The following DAB1 variants were observed in gnomAD, a reference collection of about 807,000 sequenced individuals.
The protein encoded by DAB1 is disabled homolog 1.
A neutral mutation model predicts 64.6 loss-of-function variants in DAB1; 15 were observed. That is an observed-to-expected ratio of 0.23 (90% CI 0.16 to 0.36). The LOEUF is 0.36. DAB1 is among the 10% of genes least tolerant of loss of function. DAB1 has a pLI of 1.00. For synonymous variants in DAB1, 235 were observed against 251.9 expected, an observed-to-expected ratio of 0.93 and a Z score of 0.64; for missense variants, 596 against 706.7, an observed-to-expected ratio of 0.84 and a Z score of 1.78.
chr1:57,898,862 G>A (rs989985029), intron 5 of DAB1, among the ~76,000 whole-genome samples: 4 of 152,144 alleles, frequency 2.6e-5, no homozygotes, highest in East Asian at 1.9e-4. Flanking sequence ...GTATGTGTGC[G>A]TGTGTGCGTG....
At chr1:57,380,584 T>C (rs906798223) in intron 1 of DAB1, among the ~76,000 whole-genome samples, 16 of 152,212 alleles carry the variant, frequency 1.1e-4, no homozygotes, top group African/African-American at 3.9e-4. Context: ...ATGATGATCA[T>C]AATGAGTACA....
chr1:58,529,553 G>C (rs933639165), intron 1 of DAB1, among the ~76,000 whole-genome samples: 13 of 152,270 alleles, frequency 8.5e-5, no homozygotes, highest in African/African-American at 3.1e-4. Context: ...TCAAAGCAAT[G>C]ATATTTTAAC....
At chr1:57,797,624 T>C (rs1243200033) in intron 6 of DAB1, among the ~76,000 whole-genome samples, 1 of 152,234 alleles carries the variant, frequency 6.6e-6, no homozygotes, top group Non-Finnish European at 1.5e-5. Context: ...CCCTGATTCT[T>C]CAGTGATAGT....
chr1:58,155,672 G>C (rs1655183838), intron 4 of DAB1, among the ~76,000 whole-genome samples: 1 of 152,194 alleles, frequency 6.6e-6, no homozygotes, highest in East Asian at 1.9e-4. Context: ...AACATTGCAG[G>C]TCCGGCTATC....
chr1:57,584,950 T>C (rs1645359414), intron 7 of DAB1, among the ~76,000 whole-genome samples: 2 of 152,132 alleles, frequency 1.3e-5, no homozygotes, highest in Non-Finnish European at 2.9e-5. Context: ...GAATTCTTTC[T>C]CCATTAAGAC....
rs901432819 is a variant in DAB1, at chr1:57,365,588, G to A, written c.-137+58342C>T. Among the ~76,000 whole-genome samples the A allele has an allele frequency of 1.6e-4, 25 of 151,836 alleles. 2 individuals carry two copies. Among genetic ancestry groups the A allele is most frequent in the Admixed American group, 1.4e-3 (22 of 15,196 alleles). Reference sequence around the variant, plus strand: ...ACCCCATAACAGTTTGAAGACACAGGTAATAATATCTTCAGTGTGCAGATG... The same window carrying A: ...ACCCCATAACAGTTTGAAGACACAGATAATAATATCTTCAGTGTGCAGATG... On this transcript the variant is annotated intron_variant, in intron 1 of 14. Transcript: ENST00000371236.
At chr1:57,161,055 T>G (rs1660698062) in intron 2 of DAB1, among the ~76,000 whole-genome samples, 1 of 152,040 alleles carries the variant, frequency 6.6e-6, no homozygotes, top group Admixed American at 6.5e-5. Flanking sequence ...CAGAGGACAT[T>G]CCCTTATTGG....
chr1:58,373,813 T>C (rs1569699121), intron 3 of DAB1, among the ~76,000 whole-genome samples: 1 of 150,826 alleles, frequency 6.6e-6, no homozygotes, highest in East Asian at 2.0e-4. Flanking sequence ...AAAGTGTTCC[T>C]ATTTCTCCAC....
intron 5 of DAB1, among the ~76,000 whole-genome samples, chr1:57,957,990 G>GC (rs1476849852): frequency 6.6e-6 from 1 of 151,282 alleles, no homozygotes; most frequent in African/African-American, 2.4e-5. Flanking sequence ...AGGATGATGT[G>GC]CTTTTTTTTT....
At chr1:58,025,056 C>T (rs1331323040) in intron 5 of DAB1, among the ~76,000 whole-genome samples, 1 of 151,832 alleles carries the variant, frequency 6.6e-6, no homozygotes, top group African/African-American at 2.4e-5. Context: ...ATTTGTCCTT[C>T]TCTCTCTCCC....
In DAB1 at chr1:58,010,776, T is replaced by C. The variant is rs543225387; in HGVS notation, n.388-126614A>G. ...TGTGCTCTTACCTGTACTCCATGCC[T>C]ATTGCAGACATTACTAATCTATCAG... On this transcript the variant is annotated intron_variant and non_coding_transcript_variant, in intron 5 of 20. Coordinates refer to the DAB1 transcript ENST00000485760. 1.8e-3 allele frequency among the ~76,000 whole-genome samples: 279 copies of C among 152,326 alleles called. 6 individuals carry two copies. The highest frequency in any genetic ancestry group is 0.017 in the Middle Eastern group (5 of 294).
chr1:58,486,075 GCGTGAGGTATTTTA>G (rs1645571459), intron 3 of DAB1, among the ~76,000 whole-genome samples: 1 of 152,194 alleles, frequency 6.6e-6, no homozygotes, highest in Admixed American at 6.5e-5. Context: ...GCCTTTCACT[GCGTGAGGTATTTTA>G]CACATCTAAA....
intron 3 of DAB1, among the ~76,000 whole-genome samples, chr1:58,491,422 C>T (rs1268436096): frequency 3.3e-5 from 5 of 152,186 alleles, no homozygotes; most frequent in South Asian, 2.1e-4. Context: ...CAATATTAAC[C>T]TTAAATGTAA....
At chr1:58,460,618 A>G (rs1645234812) in intron 3 of DAB1, among the ~76,000 whole-genome samples, 1 of 152,192 alleles carries the variant, frequency 6.6e-6, no homozygotes, top group Non-Finnish European at 1.5e-5. Context: ...CTTATCAGAT[A>G]GGTGTCACAG....
At chr1:57,539,513 T>C (rs566314807) in intron 7 of DAB1, among the ~76,000 whole-genome samples, 1 of 152,326 alleles carries the variant, frequency 6.6e-6, no homozygotes, top group East Asian at 1.9e-4. Context: ...AGAAAGTGGG[T>C]ATCTTTTGTT....
At chr1:58,242,604 T>G (rs1660348477) in intron 4 of DAB1, among the ~76,000 whole-genome samples, 1 of 152,152 alleles carries the variant, frequency 6.6e-6, no homozygotes, top group Admixed American at 6.5e-5. Context: ...ATTTTATACT[T>G]TTTCATTTTT....
At chr1:57,785,755 A>T (rs918914794) in intron 6 of DAB1, among the ~76,000 whole-genome samples, 1 of 152,132 alleles carries the variant, frequency 6.6e-6, no homozygotes, top group Non-Finnish European at 1.5e-5. Context: ...GGTGAAATAT[A>T]CTCCTGGTGA....
At chr1:58,372,214 T>A (rs544389400) in intron 3 of DAB1, among the ~76,000 whole-genome samples, 4 of 152,332 alleles carry the variant, frequency 2.6e-5, no homozygotes, top group African/African-American at 9.6e-5. Context: ...GCCCAAGGCC[T>A]AGGGAGCCCA....
At chr1:58,393,447 TCA>T (rs1426528706) in intron 3 of DAB1, among the ~76,000 whole-genome samples, 1 of 152,190 alleles carries the variant, frequency 6.6e-6, no homozygotes, top group Non-Finnish European at 1.5e-5. Context: ...CTTTTAATCT[TCA>T]CAAACTCTAA....
Sources: allele counts gnomAD v4.1 joint callset (sites outside exome capture counted in the v4.1 genomes callset), GRCh38; gene constraint gnomAD v4.1.1; transcripts MANE v1.5; gene names NCBI Gene and HGNC (gene_info 2026-07-23, HGNC 2026-07-21).